SPAG17: variants seen among roughly 807,000 people sequenced by gnomAD.
SPAG17 encodes the protein sperm-associated antigen 17.
A neutral mutation model predicts 273.6 loss-of-function variants in SPAG17; 169 were observed. The ratio of observed to expected loss-of-function variants is 0.62; its 90% CI spans 0.55 to 0.70. The LOEUF is 0.70. Among genes scored for constraint, SPAG17 ranks in the 30% least tolerant of loss-of-function variants. The pLI is 0.00. For missense variants in SPAG17, 2,557 were observed against 2,627.8 expected (o/e 0.97, Z 0.59); for synonymous variants, 825 against 873.2 (o/e 0.94, Z 0.97).
chr1:118,148,718 A>C (rs919726280), intron 3 of SPAG17, among the ~76,000 whole-genome samples: 3 of 152,152 alleles, frequency 2.0e-5, no homozygotes, highest in African/African-American at 7.2e-5. Flanking sequence ...AAGATTCTAA[A>C]CAGAAATAGA....
intron 1 of SPAG17, among the ~76,000 whole-genome samples, chr1:118,178,702 G>C (rs1170774090): frequency 6.6e-6 from 1 of 151,826 alleles, no homozygotes; most frequent in Non-Finnish European, 1.5e-5. Flanking sequence ...CTTCACCAAA[G>C]AGACTGTTAG....
intron 10 of SPAG17, among the ~76,000 whole-genome samples, chr1:118,090,515 G>T (rs1220836830): frequency 1.3e-5 from 2 of 152,016 alleles, no homozygotes; most frequent in African/African-American, 2.4e-5. Context: ...AAAGCAAAAA[G>T]ACTAAAAATA....
chr1:118,087,090 G>A, intron 10 of SPAG17, 82 bp from the exon 11 acceptor site: 1 of 1,451,192 alleles, frequency 6.9e-7, no homozygotes, highest in South Asian at 1.5e-5. Flanking sequence ...CATTCCCACT[G>A]CTTAGTAAGA....
intron 32 of SPAG17, among the ~76,000 whole-genome samples, chr1:117,998,836 C>CTTTTAT (rs1657949398): frequency 6.6e-6 from 1 of 151,606 alleles, no homozygotes; most frequent in Admixed American, 6.6e-5. Flanking sequence ...GGATTGTGTT[C>CTTTTAT]TTTTATTATT....
intron 4 of SPAG17, among the ~76,000 whole-genome samples, chr1:118,108,622 C>T (rs1656557240): frequency 6.6e-6 from 1 of 151,960 alleles, no homozygotes; most frequent in South Asian, 2.1e-4. Flanking sequence ...AGGGGCATAT[C>T]CAAAAAGTGC....
intron 1 of SPAG17, among the ~76,000 whole-genome samples, chr1:118,184,345 G>A (rs1056704488): frequency 2.0e-5 from 3 of 152,144 alleles, no homozygotes; most frequent in Non-Finnish European, 4.4e-5. Flanking sequence ...TCCAGCTGCA[G>A]GTGACAAGAG....
chr1:118,037,086 A>T (rs538832877), intron 23 of SPAG17, among the ~76,000 whole-genome samples: 1 of 152,274 alleles, frequency 6.6e-6, no homozygotes, highest in East Asian at 1.9e-4. Flanking sequence ...CTCTTGTTTT[A>T]GGGACCTTAG....
chr1:118,068,866 C>T (rs1653267574), intron 17 of SPAG17, among the ~76,000 whole-genome samples: 1 of 152,192 alleles, frequency 6.6e-6, no homozygotes, highest in Non-Finnish European at 1.5e-5. Flanking sequence ...CTATCCTCCT[C>T]TCTCAGCCTC....
At chr1:118,146,592 T>A (rs967446368) in intron 3 of SPAG17, among the ~76,000 whole-genome samples, 1 of 152,190 alleles carries the variant, frequency 6.6e-6, no homozygotes. Context: ...ATTAATTCGG[T>A]CTTCTCTCAT....
intron 32 of SPAG17, among the ~76,000 whole-genome samples, chr1:117,997,566 T>TAAAAAA (rs11428560): frequency 1.1e-4 from 14 of 123,100 alleles, no homozygotes; most frequent in South Asian, 2.5e-4. Flanking sequence ...GAATGAGAAG[T>TAAAAAA]AAAAAAAAAA....
intron 1 of SPAG17, among the ~76,000 whole-genome samples, chr1:118,172,604 A>G (rs1660469191): frequency 6.6e-6 from 1 of 152,216 alleles, no homozygotes; most frequent in Non-Finnish European, 1.5e-5. Flanking sequence ...CAAAACTCCA[A>G]TCTAAACTCT....
intron 45 of SPAG17, among the ~76,000 whole-genome samples, chr1:117,971,109 A>G (rs1654504368): frequency 6.6e-6 from 1 of 152,156 alleles, no homozygotes; most frequent in African/African-American, 2.4e-5. Context: ...TTCTTGAAGG[A>G]CTTACCACTC....
intron 13 of SPAG17, among the ~76,000 whole-genome samples, chr1:118,085,554 A>G (rs1391935765): frequency 6.7e-6 from 1 of 148,346 alleles, no homozygotes; most frequent in Non-Finnish European, 1.5e-5. Context: ...ACACACACAC[A>G]CACACAGCCC....
rs1340361787 is a variant in SPAG17 at position 118,120,542 on chromosome 1, T to A, written c.316-5101A>T. Among the ~76,000 whole-genome samples the A allele has an allele frequency of 3.9e-5, 6 of 152,350 alleles. No individual in the cohort carries two copies. The East Asian group carries it at 9.6e-4, about 24-fold the overall frequency. On this transcript the variant is annotated intron_variant, in intron 3 of 48. Coordinates refer to ENST00000336338, the MANE Select transcript of SPAG17 (RefSeq NM_206996.4). ...CAAATTTTATTAATGCAGGAGATGC[T>A]TACATACATGTATTGAATAACAATG... is the stretch of plus-strand genomic sequence containing the variant.
chr1:118,074,442 A>T lies in SPAG17; in HGVS notation c.2271+97T>A, dbSNP rs915536272. 7.9e-6 allele frequency: 8 copies of T among 1,012,074 alleles called. No individual in the cohort carries two copies. The African/African-American group carries it at 1.1e-4, about 14-fold the overall frequency. 62.7% of individuals were successfully genotyped at this position (1,012,074 alleles called of 1,614,324 possible). A position where few individuals can be genotyped will look rare whatever the true frequency, so the allele number is the denominator to read the frequency against. ...TTCTAGCCTCAGTATTCTCCTTCTA[A>T]GTATCTTCTTTTTTCTTTTTCAGTG... On this transcript the variant is annotated intron_variant, in intron 16 of 48. Transcript: ENST00000336338.
intron 3 of SPAG17, among the ~76,000 whole-genome samples, chr1:118,120,009 A>G (rs1657328062): frequency 6.6e-6 from 1 of 152,174 alleles, no homozygotes; most frequent in South Asian, 2.1e-4. Context: ...CTAGCTCCCC[A>G]TTGACAGACA....
intron 3 of SPAG17, among the ~76,000 whole-genome samples, chr1:118,147,980 T>G (rs1659128352): frequency 6.6e-6 from 1 of 152,162 alleles, no homozygotes; most frequent in Non-Finnish European, 1.5e-5. Context: ...AGGCTTTGAT[T>G]TAAAGCTAAC....
intron 18 of SPAG17, among the ~76,000 whole-genome samples, chr1:118,064,161 T>C (rs1652680503): frequency 6.6e-6 from 1 of 152,152 alleles, no homozygotes; most frequent in Non-Finnish European, 1.5e-5. Context: ...GTTCAACCAT[T>C]GTGGAAGTCA....
chr1:118,133,793 C>T (rs1392207327), intron 3 of SPAG17, among the ~76,000 whole-genome samples: 1 of 152,310 alleles, frequency 6.6e-6, no homozygotes, highest in South Asian at 2.1e-4. Context: ...GTATTATTCA[C>T]AGCACCTAAT....
Sources: allele counts gnomAD v4.1 joint callset (sites outside exome capture counted in the v4.1 genomes callset), GRCh38; gene constraint gnomAD v4.1.1; transcripts MANE v1.5; gene names NCBI Gene and HGNC (gene_info 2026-07-23, HGNC 2026-07-21).